The following TRMT44 variants were observed in gnomAD, a reference collection of about 807,000 sequenced individuals.
The protein encoded by TRMT44 is tRNA methyltransferase 44 homolog, also known as probable tRNA (uracil-O(2)-)-methyltransferase.
TRMT44 carries 78 observed loss-of-function variants against 77.3 expected under a neutral mutation model. That is an observed-to-expected ratio of 1.01 (90% CI 0.84 to 1.22). TRMT44 has a LOEUF of 1.22. TRMT44 is among the 50% of genes most tolerant of loss of function. The probability of loss-of-function intolerance (pLI) is 0.00; values close to 1 mark genes in which losing one functional copy is unlikely to be tolerated. For missense variants in TRMT44, 1,090 were observed against 964.4 expected (o/e 1.13, Z -1.73); for synonymous variants, 391 against 383.3 (o/e 1.02, Z -0.23).
Position 8,452,962 on chromosome 4 carries a change from C to T in TRMT44, c.1104C>T (p.Leu368=). 2 of 1,532,014 alleles carry T rather than the reference C, an allele frequency of 1.3e-6. No individual in the cohort carries two copies. The highest frequency in any genetic ancestry group is 8.7e-7 in the Non-Finnish European group (1 of 1,145,018). 94.9% of individuals were successfully genotyped at this position (1,532,014 alleles called of 1,614,324 possible). ...SFVDLGCGNG[L]LVHILSSEGH... Reference sequence around the variant, plus strand: ...TGGACCTGGGATGTGGAAATGGCCTCCTGGTCCACATCCTGAGCAGTGAGG... The same window carrying T: ...TGGACCTGGGATGTGGAAATGGCCTTCTGGTCCACATCCTGAGCAGTGAGG... The change falls in exon 5 of 11, where the codon CTC becomes CTT. Residue 368 remains leucine, a synonymous_variant. Coordinates refer to ENST00000389737, the MANE Select transcript of TRMT44 (RefSeq NM_152544.3). This position sits in a 1 kb window ranked among gnomAD's most constrained non-coding sequence, Gnocchi z 5.7.
At chr4:8,513,740 C>T in the TRMT44 span, among the ~76,000 whole-genome samples, 19 of 152,248 alleles carry the variant, frequency 1.2e-4, no homozygotes, top group African/African-American at 4.6e-4. Context: ...AAAGACACAT[C>T]ACAAAAGAGC....
intron 2 of TRMT44, among the ~76,000 whole-genome samples, chr4:8,490,227 T>C (rs886785030): frequency 6.6e-6 from 1 of 152,184 alleles, no homozygotes; most frequent in African/African-American, 2.4e-5. Context: ...TGGATGAGAA[T>C]GATTTGAGTA....
At chr4:8,508,404 G>T in the TRMT44 span, among the ~76,000 whole-genome samples, 6 of 152,332 alleles carry the variant, frequency 3.9e-5, no homozygotes, top group Admixed American at 2.6e-4. Flanking sequence ...TGTTGTGTGG[G>T]TTATTGGTTG....
At chr4:8,495,317 C>T (rs1464596612), downstream of TRMT44, among the ~76,000 whole-genome samples, 1 of 152,112 alleles carries the variant, frequency 6.6e-6, no homozygotes, top group Non-Finnish European at 1.5e-5. Context: ...AAGTGACTTG[C>T]CCAGAATCAC....
intron 6 of TRMT44, among the ~76,000 whole-genome samples, chr4:8,456,359 G>A (rs1054162124): frequency 3.9e-5 from 6 of 152,140 alleles, no homozygotes; most frequent in African/African-American, 9.7e-5. Flanking sequence ...TGTAAACCTC[G>A]AGTAGCACTG....
chr4:8,466,765 G>A (rs943803374), intron 8 of TRMT44, among the ~76,000 whole-genome samples: 2 of 152,206 alleles, frequency 1.3e-5, no homozygotes, highest in Non-Finnish European at 2.9e-5. Context: ...ATCTCTCTGA[G>A]CTTCAGTTTT....
intron 6 of TRMT44, among the ~76,000 whole-genome samples, chr4:8,458,250 A>G (rs888570102): frequency 6.6e-6 from 1 of 152,204 alleles, no homozygotes; most frequent in Non-Finnish European, 1.5e-5. Flanking sequence ...GATGTATTTC[A>G]TGAAGTTACA....
chr4:8,511,201 C>G, the TRMT44 span, among the ~76,000 whole-genome samples: 1 of 152,232 alleles, frequency 6.6e-6, no homozygotes, highest in African/African-American at 2.4e-5. Flanking sequence ...GCTTTAATAA[C>G]AGTGAGTTAC....
the TRMT44 span, among the ~76,000 whole-genome samples, chr4:8,500,898 G>A: frequency 2.6e-5 from 4 of 152,224 alleles, no homozygotes; most frequent in South Asian, 6.2e-4. Context: ...CTGGCCTGAA[G>A]GGATCTGCCC....
chr4:8,474,664 T>C (rs960594641), intron 10 of TRMT44, among the ~76,000 whole-genome samples: 5 of 152,240 alleles, frequency 3.3e-5, no homozygotes, highest in African/African-American at 1.2e-4. Context: ...GAGCCAGACT[T>C]CCTCACTGAG....
intron 9 of TRMT44, among the ~76,000 whole-genome samples, chr4:8,470,649 G>A (rs74336599): frequency 0.017 from 2,647 of 152,256 alleles, 94 homozygotes; most frequent in African/African-American, 0.06. Context: ...AGCCGGTAGC[G>A]CCAGGCTGGC....
chr4:8,487,814 G>C (rs574425760), intron 2 of TRMT44, among the ~76,000 whole-genome samples: 77 of 152,282 alleles, frequency 5.1e-4, no homozygotes, highest in Non-Finnish European at 4.3e-4. Flanking sequence ...TGCCACTAAG[G>C]GTGAAAGACC....
intron 6 of TRMT44, among the ~76,000 whole-genome samples, chr4:8,463,035 G>A (rs765741430): frequency 1.3e-5 from 2 of 152,210 alleles, no homozygotes. Context: ...CAGAATTTCA[G>A]TTTTAGTTTT....
chr4:8,452,095 T>C lies in TRMT44; in HGVS notation c.1023+67T>C, dbSNP rs1725490683. Reference sequence around the variant, plus strand: ...GTTTGCTACAGGCAGATGTTCCCTGTAGTGAAGGACATTTTCCAAATCCAT... The same window carrying C: ...GTTTGCTACAGGCAGATGTTCCCTGCAGTGAAGGACATTTTCCAAATCCAT... On this transcript the variant is annotated intron_variant, in intron 4 of 10. Transcript: ENST00000389737. This position sits in a 1 kb window ranked among gnomAD's most constrained non-coding sequence, Gnocchi z 5.7. 2.2e-6 allele frequency: 3 copies of C among 1,380,886 alleles called. No homozygotes were observed. In the South Asian group the frequency reaches 3.7e-5, roughly 17 times the overall value. 85.5% of individuals were successfully genotyped at this position (1,380,886 alleles called of 1,614,324 possible). A position where few individuals can be genotyped will look rare whatever the true frequency, so the allele number is the denominator to read the frequency against.
downstream of TRMT44, among the ~76,000 whole-genome samples, chr4:8,481,399 G>C (rs780919304): frequency 7.2e-5 from 11 of 152,210 alleles, no homozygotes; most frequent in African/African-American, 9.7e-5. Flanking sequence ...CCTGAGGACT[G>C]TGTCATGGGC....
chr4:8,466,614 G>A (rs1207011661), intron 8 of TRMT44, among the ~76,000 whole-genome samples: 4 of 152,244 alleles, frequency 2.6e-5, no homozygotes, highest in Non-Finnish European at 5.9e-5. Context: ...TTTTTGGCAA[G>A]TCTTGGTCTT....
rs983549203 is a variant in TRMT44, at chr4:8,489,460, C to T, written n.3892-3806C>T. The stretch of plus-strand genomic sequence containing the variant: ...GGAAGACAGGCTGTAGTTTTGTTTT[C>T]GTTTTGTTTTGTTTTGTTTTGTTTT... On this transcript the variant is annotated intron_variant and non_coding_transcript_variant, in intron 2 of 2. Transcript: ENST00000511366. 2.4e-4 allele frequency among the ~76,000 whole-genome samples: 36 copies of T among 150,456 alleles called. No individual in the cohort carries two copies. In the East Asian group the frequency reaches 3.6e-3, roughly 15 times the overall value.
Position 8,452,165 on chromosome 4 carries a change from T to C in TRMT44, c.1023+137T>C. 1 of 756,530 alleles carries C rather than the reference T, an allele frequency of 1.3e-6. No individual in the cohort carries two copies. Among genetic ancestry groups the C allele is most frequent in the Non-Finnish European group, 2.2e-6 (1 of 455,114 alleles). The allele number at this position is 756,530 out of a possible 1,614,324, so 46.9% of individuals were successfully genotyped here. A position where few individuals can be genotyped will look rare whatever the true frequency, so the allele number is the denominator to read the frequency against. On this transcript the variant is annotated intron_variant, in intron 4 of 10. Transcript: ENST00000389737. This position sits in a 1 kb window ranked among gnomAD's most constrained non-coding sequence, Gnocchi z 5.7. ...TCTGCTGGCCAAGGTTGGTTTCTCG[T>C]GTAATGGTTTGACTTCATGTGGTCC...
intron 1 of TRMT44, among the ~76,000 whole-genome samples, chr4:8,442,396 C>T (rs1213441185): frequency 1.3e-5 from 2 of 152,218 alleles, no homozygotes; most frequent in Non-Finnish European, 2.9e-5. Flanking sequence ...ATTTTTACTG[C>T]CCGTGACCTT....
Sources: gnomAD v4.1 joint callset for allele counts (sites outside exome capture counted in the v4.1 genomes callset) on GRCh38, gnomAD v4.1.1 for gene constraint, Gnocchi (gnomAD v3.1) non-coding constraint, MANE v1.5 for transcripts, NCBI Gene and HGNC (gene_info 2026-07-23, HGNC 2026-07-21) for gene names.